Variants in DCTN4 observed in about 807,000 individuals in gnomAD.
The protein encoded by DCTN4 is dynactin subunit 4.
Under a neutral mutation model 62.7 loss-of-function variants are expected in DCTN4, and 23 were observed. That is an observed-to-expected ratio of 0.37 (90% CI 0.26 to 0.52). The LOEUF (loss-of-function observed/expected upper bound fraction) is 0.52, where lower values mean the gene tolerates loss of function less well. Among genes scored for constraint, DCTN4 ranks in the 20% least tolerant of loss-of-function variants. The pLI, the probability that DCTN4 is intolerant of heterozygous loss-of-function variation, is 0.92. For synonymous variants in DCTN4, 199 were observed against 202.1 expected, an observed-to-expected ratio of 0.98 and a Z score of 0.13; for missense variants, 514 against 580.4, an observed-to-expected ratio of 0.89 and a Z score of 1.18.
chr5:150,743,956 T>C (rs1277082735), intron 3 of DCTN4, among the ~76,000 whole-genome samples: 8 of 151,956 alleles, frequency 5.3e-5, no homozygotes, highest in African/African-American at 1.7e-4. Flanking sequence ...CTTTGACGAG[T>C]TGAGAGAAGA....
rs1045106399 is a variant in DCTN4 at position 150,755,709 on chromosome 5, T to C, written c.206+708A>G. ...TATCACACCACACCCAAGAGGAGTC[T>C]AGAGACATAACTATAAATATAATGT... On this transcript the variant is annotated intron_variant, in intron 2 of 12. Transcript: ENST00000447998. 2.2e-4 allele frequency: 80 copies of C among 357,082 alleles called. 1 individual carries two copies. Among genetic ancestry groups the C allele is most frequent in the Admixed American group, 1.2e-3 (29 of 25,198 alleles). 22.1% of individuals were successfully genotyped at this position (357,082 alleles called of 1,614,324 possible).
intron 4 of DCTN4, among the ~76,000 whole-genome samples, chr5:150,741,865 G>A (rs1760782206): frequency 6.6e-6 from 1 of 152,164 alleles, no homozygotes; most frequent in Non-Finnish European, 1.5e-5. Flanking sequence ...CAAAAACTTG[G>A]TTCCTTTTCC....
intron 3 of DCTN4, among the ~76,000 whole-genome samples, chr5:150,752,048 G>T (rs181042253): frequency 9.9e-5 from 15 of 151,946 alleles, no homozygotes; most frequent in African/African-American, 3.4e-4. Flanking sequence ...CCCAAAATGA[G>T]AATTTTTACA....
In DCTN4 at chr5:150,758,973, C is replaced by T. The variant is rs756703919; in HGVS notation, c.21G>A (p.Ser7=). ...CCTGGACTAGATAGAGAACCCGGTC[C>T]GACTGCAGCAAGGACGCCATCTTGG... is the stretch of plus-strand genomic sequence containing the variant. MASLLQ[S]DRVLYLVQGE... is the part of the protein sequence containing the mutation. Residue 7 remains serine, a synonymous_variant, in exon 1 of 13, where the codon TCG becomes TCA. Coordinates refer to ENST00000447998, the MANE Select transcript of DCTN4 (RefSeq NM_016221.4). 6.2e-7 allele frequency: 1 copy of T among 1,614,076 alleles called. No individual in the cohort carries two copies. Among genetic ancestry groups the T allele is most frequent in the South Asian group, 1.1e-5 (1 of 91,072 alleles).
chr5:150,758,479 T>C (rs1752944014), intron 1 of DCTN4: 1 of 995,774 alleles, frequency 1.0e-6, no homozygotes, highest in South Asian at 4.2e-5. Context: ...TGAGAACGCC[T>C]GCGCCTCCCT....
chr5:150,710,409 T>G lies in DCTN4; in HGVS notation c.*740A>C, dbSNP rs1347403828. The G allele has an allele frequency of 1.3e-5, 2 of 152,368 alleles. No homozygotes were observed. Among genetic ancestry groups the G allele is most frequent in the Non-Finnish European group, 2.9e-5 (2 of 68,062 alleles). The allele number at this position is 152,368 out of a possible 1,614,324, so 9.4% of individuals were successfully genotyped here. ...GGCAATATTGAAAACGAATGGAATC[T>G]GCTACCCCCTTGACATGACATGTAA... On this transcript the variant is annotated 3_prime_UTR_variant, in exon 13 of 13. Transcript: ENST00000447998.
At chr5:150,726,173 G>A (rs1243612796) in intron 8 of DCTN4, among the ~76,000 whole-genome samples, 1 of 152,040 alleles carries the variant, frequency 6.6e-6, no homozygotes, top group East Asian at 1.9e-4. Flanking sequence ...GTCTAATTTT[G>A]AGAGTTCCAG....
chr5:150,748,366 GA>G (rs1478672125), intron 3 of DCTN4, among the ~76,000 whole-genome samples: 3 of 152,090 alleles, frequency 2.0e-5, no homozygotes, highest in Non-Finnish European at 4.4e-5. Context: ...AACCGTTGTG[GA>G]AGTCAGTGTG....
chr5:150,742,450 T>C (rs1267010020), intron 3 of DCTN4, among the ~76,000 whole-genome samples: 1 of 152,212 alleles, frequency 6.6e-6, no homozygotes, highest in Non-Finnish European at 1.5e-5. Context: ...TCTCATTTTA[T>C]ATATGAGGAA....
chr5:150,749,457 T>C (rs1285851657), intron 3 of DCTN4, among the ~76,000 whole-genome samples: 1 of 152,164 alleles, frequency 6.6e-6, no homozygotes, highest in Non-Finnish European at 1.5e-5. Flanking sequence ...GCAAGGGTTG[T>C]CAAGGGATTG....
chr5:150,749,475 C>T (rs138920383), intron 3 of DCTN4, among the ~76,000 whole-genome samples: 294 of 152,184 alleles, frequency 1.9e-3, no homozygotes, highest in African/African-American at 6.4e-3. Flanking sequence ...TTGGAACTCT[C>T]CTAATTTGCT....
At position 150,745,673 on chromosome 5, in the gene DCTN4, AC is replaced by A. The variant is rs1280570534; in HGVS notation, c.386-3517del. On this transcript the variant is annotated intron_variant, in intron 3 of 12. Transcript: ENST00000447998. ...CGTTCAACTACATGGAAACTGAACA[AC>A]CTGCTCCTGAATGACTGCTGGGTAT... 2.7e-3 allele frequency among the ~76,000 whole-genome samples: 418 copies of A among 152,366 alleles called. 9 individuals carry two copies. Among genetic ancestry groups the A allele is most frequent in the Non-Finnish European group, 6.8e-4 (46 of 68,036 alleles).
Position 150,731,058 on chromosome 5 carries a change from A to G in DCTN4, c.710T>C (p.Val237Ala), listed in dbSNP as rs778382204. 1.3e-6 allele frequency: 2 copies of G among 1,588,406 alleles called. No homozygotes were observed. Among genetic ancestry groups the G allele is most frequent in the Non-Finnish European group, 1.7e-6 (2 of 1,158,462 alleles). Residue 237 changes from valine (V) to alanine (A), a missense_variant, in exon 7 of 13, where the codon GTA (valine) becomes GCA (alanine). Coordinates refer to ENST00000447998, the MANE Select transcript of DCTN4 (RefSeq NM_016221.4). ...CAGAAAATTACCCTCTGTTAAATTT[A>G]CTGGTCTTGTATAATAGTCTTCAGG... ...PLPEDYYTRP[V>A]NLTEVTTLQQ... is the part of the protein sequence containing the mutation.
rs746786418 is a variant in DCTN4 at position 150,711,262 on chromosome 5, C to G, written c.1270G>C (p.Asp424His). The change falls in exon 13 of 13, where the codon GAT becomes CAT. Residue 424 changes from aspartate to histidine, a missense_variant. Transcript: ENST00000447998. ...ATGGGGGCTGCCAGGTTTTTAAAATCATGCTTCATCTTGAAGCACACGGTC... is the reference window on the plus strand; with the variant it reads ...ATGGGGGCTGCCAGGTTTTTAAAATGATGCTTCATCTTGAAGCACACGGTC... The part of the protein sequence containing the change: ...EVTVCFKMKH[D>H]FKNLAAPIRP... 28 of 1,613,290 alleles carry G rather than the reference C, an allele frequency of 1.7e-5. No homozygotes were observed. The Admixed American group carries it at 4.5e-4, about 26-fold the overall frequency.
intron 2 of DCTN4, among the ~76,000 whole-genome samples, chr5:150,755,340 T>TA (rs953984142): frequency 1.3e-5 from 2 of 152,236 alleles, no homozygotes; most frequent in African/African-American, 4.8e-5. Context: ...CATAATTCTC[T>TA]AGTCTTTATG....
chr5:150,715,043 TG>T (rs1044530864), intron 12 of DCTN4, among the ~76,000 whole-genome samples: 31 of 151,810 alleles, frequency 2.0e-4, no homozygotes, highest in African/African-American at 7.5e-4. Flanking sequence ...TTCGAATCAT[TG>T]AAAACATTCA....
At chr5:150,751,293 C>T (rs1752667907) in intron 3 of DCTN4, among the ~76,000 whole-genome samples, 1 of 152,082 alleles carries the variant, frequency 6.6e-6, no homozygotes, top group Non-Finnish European at 1.5e-5. Context: ...TTAAGAGCTC[C>T]TGGTATTCAA....
At chr5:150,753,775 T>C (rs1469242144) in intron 2 of DCTN4, 118 bp from the exon 3 acceptor site, 1 of 1,017,420 alleles carries the variant, frequency 9.8e-7, no homozygotes, top group Non-Finnish European at 1.4e-6. Context: ...GCAGGCCTCT[T>C]ACCAACTTTG....
At position 150,730,494 on chromosome 5, in the gene DCTN4, T is replaced by C. The variant is rs1374698416; in HGVS notation, c.834+137A>G. Reference sequence around the variant, plus strand: ...TATTGAAAGCATTTAAAATAGTGCCTGGCAATTAGTATGTTCTCTACAAGT... The same window carrying C: ...TATTGAAAGCATTTAAAATAGTGCCCGGCAATTAGTATGTTCTCTACAAGT... On this transcript the variant is annotated intron_variant, in intron 8 of 12. Coordinates refer to ENST00000447998, the MANE Select transcript of DCTN4 (RefSeq NM_016221.4). 7 of 716,512 alleles carry C rather than the reference T, an allele frequency of 9.8e-6. 1 individual carries two copies. In the South Asian group the frequency reaches 1.1e-4, roughly 11 times the overall value. 44.4% of individuals were successfully genotyped at this position (716,512 alleles called of 1,614,324 possible). A position where few individuals can be genotyped will look rare whatever the true frequency, so the allele number is the denominator to read the frequency against.
Sources: allele counts gnomAD v4.1 joint callset (sites outside exome capture counted in the v4.1 genomes callset), GRCh38; gene constraint gnomAD v4.1.1; transcripts MANE v1.5; gene names NCBI Gene and HGNC (gene_info 2026-07-23, HGNC 2026-07-21).